Variants in FMNL2 observed in about 807,000 individuals in gnomAD.
FMNL2 encodes the protein formin like 2, also known as formin-like protein 2.
FMNL2 carries 51 observed loss-of-function variants against 130.2 expected under a neutral mutation model. That is an observed-to-expected ratio of 0.39 (90% CI 0.31 to 0.49). The LOEUF is 0.49. Ranked by LOEUF, FMNL2 falls within the 20% of genes least tolerant of loss-of-function variation. The probability of loss-of-function intolerance (pLI) is 0.85; values close to 1 mark genes in which losing one functional copy is unlikely to be tolerated. For synonymous variants in FMNL2, 465 were observed against 467.1 expected (o/e 1.00, Z 0.06); for missense variants, 977 against 1,316.2 (o/e 0.74, Z 3.99).
At chr2:152,351,364 C>T (rs1682472403) in intron 1 of FMNL2, among the ~76,000 whole-genome samples, 1 of 152,114 alleles carries the variant, frequency 6.6e-6, no homozygotes, top group Non-Finnish European at 1.5e-5. Flanking sequence ...CCCACCAATC[C>T]CAGCAGGTTC....
chr2:152,491,326 C>G (rs1055996303), intron 1 of FMNL2, among the ~76,000 whole-genome samples: 1 of 152,070 alleles, frequency 6.6e-6, no homozygotes, highest in Non-Finnish European at 1.5e-5. Context: ...AGGCAGGGGT[C>G]GGGTAGGGTG....
At chr2:152,601,425 T>G (rs1698051591) in intron 9 of FMNL2, among the ~76,000 whole-genome samples, 1 of 150,288 alleles carries the variant, frequency 6.7e-6, no homozygotes. Flanking sequence ...CTCAGCCTCC[T>G]GAATAGCTGG....
intron 1 of FMNL2, among the ~76,000 whole-genome samples, chr2:152,370,253 G>C (rs1170556750): frequency 6.6e-6 from 1 of 152,156 alleles, no homozygotes; most frequent in African/African-American, 2.4e-5. Flanking sequence ...CTTATTCTGG[G>C]TTGTGTGCTG....
At chr2:152,365,454 T>C (rs1683464323) in intron 1 of FMNL2, among the ~76,000 whole-genome samples, 1 of 151,946 alleles carries the variant, frequency 6.6e-6, no homozygotes, top group Admixed American at 6.6e-5. Flanking sequence ...TGGCTTAGAG[T>C]GGACAAAGAC....
intron 1 of FMNL2, among the ~76,000 whole-genome samples, chr2:152,419,362 T>C (rs1686785219): frequency 6.6e-6 from 1 of 152,216 alleles, no homozygotes; most frequent in South Asian, 2.1e-4. Context: ...TTTACCATGC[T>C]GTGGAATAGC....
chr2:152,453,869 A>G (rs1389334192), intron 1 of FMNL2, among the ~76,000 whole-genome samples: 1 of 152,242 alleles, frequency 6.6e-6, no homozygotes, highest in Admixed American at 6.5e-5. Flanking sequence ...AGCCAAGAAC[A>G]TGGTTTCAAA....
chr2:152,470,126 A>T (rs2105175808), intron 1 of FMNL2, among the ~76,000 whole-genome samples: 1 of 152,330 alleles, frequency 6.6e-6, no homozygotes, highest in African/African-American at 2.4e-5. Context: ...AGCTTAAAAG[A>T]TAGCCTCTCC....
chr2:152,577,093 A>G (rs1696519529), intron 7 of FMNL2, among the ~76,000 whole-genome samples: 1 of 152,212 alleles, frequency 6.6e-6, no homozygotes. Context: ...TAGACCATTT[A>G]GGAGGCTTTT....
chr2:152,602,066 T>C (rs1056805525), intron 9 of FMNL2, among the ~76,000 whole-genome samples: 1 of 152,228 alleles, frequency 6.6e-6, no homozygotes, highest in Non-Finnish European at 1.5e-5. Context: ...CTGTGACTTA[T>C]AACCCAGGTT....
In FMNL2 at chr2:152,632,037, G is replaced by A; in HGVS notation, c.2580G>A (p.Lys860=). The change falls in exon 21 of 26, where the codon AAG becomes AAA. Residue 860 remains lysine (K), a synonymous_variant. Transcript: ENST00000288670. ...LLLDTKSTDR[K]QTLLHYISNV... ...TAGATACAAAGTCAACAGACAGAAAGCAAACACTGTTGCACTATATATCCA... is the reference window on the plus strand; with the variant it reads ...TAGATACAAAGTCAACAGACAGAAAACAAACACTGTTGCACTATATATCCA... 1 of 1,612,108 alleles carries A rather than the reference G, an allele frequency of 6.2e-7. No homozygotes were observed. Among genetic ancestry groups the A allele is most frequent in the Non-Finnish European group, 8.5e-7 (1 of 1,179,096 alleles).
chr2:152,627,036 A>T (rs1345094075), intron 17 of FMNL2, among the ~76,000 whole-genome samples: 2 of 152,240 alleles, frequency 1.3e-5, no homozygotes, highest in African/African-American at 4.8e-5. Flanking sequence ...CTACTCTCTT[A>T]TGCGGGCCTC....
chr2:152,525,240 G>T (rs1693321658), intron 2 of FMNL2, among the ~76,000 whole-genome samples: 1 of 152,190 alleles, frequency 6.6e-6, no homozygotes, highest in African/African-American at 2.4e-5. Context: ...TTTGTGTGTG[G>T]CTGCTCAAAT....
intron 1 of FMNL2, among the ~76,000 whole-genome samples, chr2:152,403,118 C>T (rs552565312): frequency 5.9e-4 from 89 of 151,392 alleles, no homozygotes; most frequent in Non-Finnish European, 1.1e-3. Context: ...GGGAGGATGA[C>T]AGAGGTAAAG....
At chr2:152,609,221 A>T (rs1228751576) in intron 10 of FMNL2, among the ~76,000 whole-genome samples, 1 of 152,262 alleles carries the variant, frequency 6.6e-6, no homozygotes, top group Admixed American at 6.5e-5. Context: ...CCTTATTTAG[A>T]GGCTGCTATT....
At chr2:152,432,405 C>A (rs1442802664) in intron 1 of FMNL2, among the ~76,000 whole-genome samples, 1 of 152,136 alleles carries the variant, frequency 6.6e-6, no homozygotes, top group Non-Finnish European at 1.5e-5. Flanking sequence ...GTCTGATACA[C>A]CCATCCTAAT....
At chr2:152,537,861 A>G (rs1694080201) in intron 2 of FMNL2, among the ~76,000 whole-genome samples, 1 of 151,776 alleles carries the variant, frequency 6.6e-6, no homozygotes, top group African/African-American at 2.4e-5. Context: ...CAACAGAAAC[A>G]TTGGGAAAAT....
intron 17 of FMNL2, 31 bp from the exon 18 acceptor site, chr2:152,628,268 C>T (rs1367946632): frequency 1.1e-5 from 17 of 1,595,574 alleles, no homozygotes; most frequent in Non-Finnish European, 1.5e-5. Context: ...GTTTTTCTCT[C>T]TAATGCTAAT....
intron 1 of FMNL2, among the ~76,000 whole-genome samples, chr2:152,355,762 G>A (rs1005191587): frequency 6.6e-6 from 1 of 152,186 alleles, no homozygotes; most frequent in Non-Finnish European, 1.5e-5. Flanking sequence ...TGTAATTTCA[G>A]GGAGTAGTTT....
At chr2:152,417,250 G>C (rs981739139) in intron 1 of FMNL2, among the ~76,000 whole-genome samples, 3 of 152,210 alleles carry the variant, frequency 2.0e-5, no homozygotes, top group African/African-American at 7.2e-5. Flanking sequence ...TGCTCCTTTA[G>C]GGCCAGTGAT....
Sources: allele counts gnomAD v4.1 joint callset (sites outside exome capture counted in the v4.1 genomes callset), GRCh38; gene constraint gnomAD v4.1.1; transcripts MANE v1.5; gene names NCBI Gene and HGNC (gene_info 2026-07-23, HGNC 2026-07-21).